The following DHX40 variants were observed in gnomAD, a reference collection of about 807,000 sequenced individuals.
DHX40 encodes the protein DEAH-box helicase 40, also known as probable ATP-dependent RNA helicase DHX40.
In DHX40, 28 loss-of-function variants were observed where a neutral mutation model predicts 89.6. That is an observed-to-expected ratio of 0.31 (90% CI 0.23 to 0.43). The LOEUF (loss-of-function observed/expected upper bound fraction) is 0.43, where lower values mean the gene tolerates loss of function less well. DHX40 is among the 20% of genes least tolerant of loss of function. DHX40 has a pLI of 1.00. For synonymous variants in DHX40, 226 were observed against 283.6 expected, an observed-to-expected ratio of 0.80 and a Z score of 2.04; for missense variants, 457 against 844.0, an observed-to-expected ratio of 0.54 and a Z score of 5.68.
At chr17:59,569,473 T>A (rs549422110) in intron 2 of DHX40, among the ~76,000 whole-genome samples, 1 of 151,010 alleles carries the variant, frequency 6.6e-6, no homozygotes, top group African/African-American at 2.4e-5. Flanking sequence ...GAGTAGATTT[T>A]TAGACAGAAA....
In DHX40 at chr17:59,566,669, C is replaced by T; in HGVS notation, c.155C>T (p.Thr52Ile). The T allele has an allele frequency of 6.2e-7, 1 of 1,603,780 alleles. No homozygotes were observed. Among genetic ancestry groups the T allele is most frequent in the Non-Finnish European group, 8.5e-7 (1 of 1,177,394 alleles). The change falls in exon 2 of 18, where the codon ACT becomes ATT. Residue 52 changes from threonine (T) to isoleucine (I), a missense_variant. Around this residue, in one of 9 missense-constraint regions of DHX40, gnomAD observed 75 missense variants for 76.8 expected, o/e 0.98. Transcript: ENST00000251241. ...TCCCAGGAGGGAGGAACTACTCCAA[C>T]TTTTCCTATTCAGAAACAAAGAAAA... ...CTSQEGGTTPTFPIQKQRKKI... is the reference protein window; with the variant it reads ...CTSQEGGTTPIFPIQKQRKKI...
intron 12 of DHX40, among the ~76,000 whole-genome samples, chr17:59,592,505 ACC>A (rs1275041312): frequency 1.3e-5 from 2 of 148,942 alleles, no homozygotes; most frequent in Admixed American, 1.3e-4. Flanking sequence ...ATATCACTCT[ACC>A]TACCTTTGGT....
chr17:59,574,143 G>A (rs1206139318), intron 5 of DHX40, 45 bp from the exon 6 acceptor site: 1 of 531,362 alleles, frequency 1.9e-6, no homozygotes, highest in Admixed American at 4.1e-5. Context: ...GTAAGGGAAT[G>A]ACTGTATTTC....
chr17:59,590,377 A>G (rs1445631273), intron 12 of DHX40, among the ~76,000 whole-genome samples: 1 of 149,926 alleles, frequency 6.7e-6, no homozygotes, highest in African/African-American at 2.5e-5. Context: ...TATTATTGCC[A>G]TGATTATAAT....
Position 59,573,815 on chromosome 17 carries a change from G to A in DHX40, c.622G>A (p.Val208Ile), listed in dbSNP as rs139789772. 1.4e-5 allele frequency: 22 copies of A among 1,613,522 alleles called. No homozygotes were observed. The highest frequency in any genetic ancestry group is 1.8e-5 in the Non-Finnish European group (21 of 1,179,830). The change falls in exon 5 of 18, where the codon GTA becomes ATA. Residue 208 changes from valine to isoleucine, a missense_variant. Around this residue, in one of 9 missense-constraint regions of DHX40, gnomAD observed 116 missense variants for 188.9 expected, o/e 0.61. Transcript: ENST00000251241. Reference sequence around the variant, plus strand: ...TAGGAAGGAGCATTTAAAAGTGGTGGTAATGTCAGCAACTATGGAATTAGC... The same window carrying A: ...TAGGAAGGAGCATTTAAAAGTGGTGATAATGTCAGCAACTATGGAATTAGC... Reference protein sequence around the residue: ...PNRKEHLKVVVMSATMELAKL... With the variant: ...PNRKEHLKVVIMSATMELAKL...
At chr17:59,568,657 C>G (rs2048742726) in intron 2 of DHX40, among the ~76,000 whole-genome samples, 1 of 151,956 alleles carries the variant, frequency 6.6e-6, no homozygotes, top group African/African-American at 2.4e-5. Flanking sequence ...AATGTGGTCT[C>G]TCTCTGTCTC....
chr17:59,568,852 AT>A (rs869142384), intron 2 of DHX40, among the ~76,000 whole-genome samples: 1 of 149,642 alleles, frequency 6.7e-6, no homozygotes, highest in African/African-American at 2.4e-5. Context: ...ATATATATAT[AT>A]AAATATAGAT....
At chr17:59,571,273 C>A (rs1418116572) in intron 3 of DHX40, among the ~76,000 whole-genome samples, 1 of 151,948 alleles carries the variant, frequency 6.6e-6, no homozygotes, top group African/African-American at 2.4e-5. Flanking sequence ...GCCTGACCAA[C>A]ATGGAGAAAC....
At chr17:59,596,826 A>C (rs917514522) in intron 12 of DHX40, among the ~76,000 whole-genome samples, 1 of 152,172 alleles carries the variant, frequency 6.6e-6, no homozygotes, top group Non-Finnish European at 1.5e-5. Flanking sequence ...CTTTCCTCCT[A>C]GTAACAGGAA....
chr17:59,585,413 A>C (rs1211564842), intron 10 of DHX40, among the ~76,000 whole-genome samples: 2 of 148,506 alleles, frequency 1.3e-5, no homozygotes. Context: ...AAAAAAAAAA[A>C]TTAAATTGTA....
At chr17:59,590,994 A>G (rs1428665742) in intron 12 of DHX40, among the ~76,000 whole-genome samples, 5 of 150,708 alleles carry the variant, frequency 3.3e-5, no homozygotes, top group Middle Eastern at 3.4e-3. Flanking sequence ...GCAACATAGC[A>G]AGACCCCATC....
At chr17:59,598,960 T>G (rs1377432611) in intron 13 of DHX40, 109 bp downstream of exon 13, 10 of 600,470 alleles carry the variant, frequency 1.7e-5, no homozygotes, top group Non-Finnish European at 2.7e-5. Context: ...TGATATTGAC[T>G]TCAAGGTATT....
At chr17:59,604,925 T>C in intron 15 of DHX40, 190 bp from the exon 16 acceptor site, 1 of 585,102 alleles carries the variant, frequency 1.7e-6, no homozygotes, top group Non-Finnish European at 3.1e-6. Flanking sequence ...GTAGTGACTG[T>C]TTAACCTGTA....
rs1194084942 is a variant in DHX40, at chr17:59,573,288, T to C, written c.546+53T>C. On this transcript the variant is annotated intron_variant, in intron 4 of 17. Transcript: ENST00000251241. ...TTTATTAGCAAGTAGTTTGTTTGGG[T>C]AGCTTTTTATTGTGTAGAGAATTGC... 4.6e-6 allele frequency: 7 copies of C among 1,509,938 alleles called. No individual in the cohort carries two copies. The Admixed American group carries it at 1.3e-4, about 27-fold the overall frequency. 93.5% of individuals were successfully genotyped at this position (1,509,938 alleles called of 1,614,324 possible).
chr17:59,566,728 C>T lies in DHX40; in HGVS notation c.214C>T (p.Leu72Phe), dbSNP rs773521950. ...TCAAGCTGTGAGGGACAATTCATTCCTTATTGTTACTGGAAATACAGGAAG... is the reference window on the plus strand; with the variant it reads ...TCAAGCTGTGAGGGACAATTCATTCTTTATTGTTACTGGAAATACAGGAAG... ...IIQAVRDNSF[L>F]IVTGNTGSGK... The change falls in exon 2 of 18, where the codon CTT becomes TTT. Residue 72 changes from leucine to phenylalanine, a missense_variant. Leu to Phe is a conservative substitution (Grantham distance 22). Coordinates refer to ENST00000251241, the MANE Select transcript of DHX40 (RefSeq NM_024612.5). 6.2e-7 allele frequency: 1 copy of T among 1,602,224 alleles called. No individual in the cohort carries two copies. The highest frequency in any genetic ancestry group is 8.5e-7 in the Non-Finnish European group (1 of 1,177,210).
intron 1 of DHX40, 127 bp downstream of exon 1, chr17:59,565,910 T>A (rs542677992): frequency 6.3e-4 from 499 of 794,246 alleles, no homozygotes; most frequent in Non-Finnish European, 8.5e-4. Flanking sequence ...CTCCTGGCTT[T>A]CCAAGCCCGA....
chr17:59,586,362 C>G, intron 11 of DHX40, 129 bp downstream of exon 11: 1 of 903,964 alleles, frequency 1.1e-6, no homozygotes, highest in Admixed American at 2.8e-5. Flanking sequence ...TCTTTCATCA[C>G]AATTCTGATT....
At chr17:59,602,707 G>C (rs939779512) in intron 15 of DHX40, 91 bp downstream of exon 15, 6 of 1,113,662 alleles carry the variant, frequency 5.4e-6, no homozygotes, top group Non-Finnish European at 7.7e-6. Flanking sequence ...TTGAAGATTT[G>C]ATTTAAGCTC....
chr17:59,572,677 C>T (rs990636596), intron 3 of DHX40, among the ~76,000 whole-genome samples: 3 of 152,268 alleles, frequency 2.0e-5, no homozygotes, highest in African/African-American at 7.2e-5. Context: ...CCGTGTCTGA[C>T]CTAAGTAACA....
Sources: allele counts gnomAD v4.1 joint callset (sites outside exome capture counted in the v4.1 genomes callset), GRCh38; gene constraint gnomAD v4.1.1; regional missense constraint gnomAD v4.1.1; transcripts MANE v1.5; gene names NCBI Gene and HGNC (gene_info 2026-07-23, HGNC 2026-07-21).